Variants in COL27A1 observed in about 807,000 individuals in gnomAD.
COL27A1 encodes collagen type XXVII alpha 1 chain.
In COL27A1, 106 loss-of-function variants were observed where a neutral mutation model predicts 251.3. The ratio of observed to expected loss-of-function variants is 0.42; its 90% CI spans 0.36 to 0.50. The LOEUF (loss-of-function observed/expected upper bound fraction) is 0.50. COL27A1 is among the 20% of genes least tolerant of loss of function. The pLI, the probability that COL27A1 is intolerant of heterozygous loss-of-function variation, is 0.00. For missense variants in COL27A1, 2,325 were observed against 2,522.8 expected (o/e 0.92, Z 1.68); for synonymous variants, 1,000 against 986.3 (o/e 1.01, Z -0.26).
Position 114,167,725 on chromosome 9 carries a change from C to T in COL27A1, c.170C>T (p.Thr57Met), listed in dbSNP as rs150242638. Residue 57 changes from threonine to methionine, a missense_variant, in exon 3 of 61, where the codon ACG becomes ATG. Coordinates refer to ENST00000356083, the MANE Select transcript of COL27A1 (RefSeq NM_032888.4). ...CTCCAGCGGCTGGGCCTCAGCTGGA[C>T]GAAGGCCGGGAGCCCTGCACCCCCG... is the stretch of plus-strand genomic sequence containing the variant. ...DILQRLGLSW[T>M]KAGSPAPPGV... 6.9e-5 allele frequency: 111 copies of T among 1,613,370 alleles called. No homozygotes were observed. The African/African-American group carries it at 1.1e-3, about 16-fold the overall frequency.
rs375611026 is a variant in COL27A1 at position 114,231,918 on chromosome 9, C to A, written c.2565+52C>A. ...TGTGGTTTCTCTGCATGCCACCCCCCTCTCCGCCCGGAGGCTGCTGCTGAT... is the reference window on the plus strand; with the variant it reads ...TGTGGTTTCTCTGCATGCCACCCCCATCTCCGCCCGGAGGCTGCTGCTGAT... On this transcript the variant is annotated intron_variant, in intron 16 of 60. Transcript: ENST00000356083. The A allele has an allele frequency of 3.4e-5, 54 of 1,573,254 alleles. No individual in the cohort carries two copies. In the East Asian group the frequency reaches 7.2e-4, roughly 21 times the overall value.
At chr9:114,303,263 C>T (rs1828795962) in intron 56 of COL27A1, among the ~76,000 whole-genome samples, 1 of 137,784 alleles carries the variant, frequency 7.3e-6, no homozygotes, top group Admixed American at 8.0e-5. Flanking sequence ...TTTTGAGACA[C>T]AGTCTTGCTC....
In COL27A1 at chr9:114,253,391, AG is replaced by A. The variant is rs200979207; in HGVS notation, c.3141+460del. ...GAAAGACGAAAGAAAGAAAGAAAAA[AG>A]AAAGAGGAAAAAAGACAGAAAGAAG... On this transcript the variant is annotated intron_variant, in intron 27 of 60. Coordinates refer to ENST00000356083, the MANE Select transcript of COL27A1 (RefSeq NM_032888.4). Among the ~76,000 whole-genome samples the A allele has an allele frequency of 6.8e-3, 899 of 132,604 alleles. 12 individuals carry two copies. Among genetic ancestry groups the A allele is most frequent in the African/African-American group, 0.025 (830 of 33,654 alleles). The allele number at this position is 132,604 out of a possible 152,430, so 87.0% of individuals were successfully genotyped here.
intron 24 of COL27A1, among the ~76,000 whole-genome samples, chr9:114,247,475 C>T (rs1403803312): frequency 6.6e-6 from 1 of 152,152 alleles, no homozygotes; most frequent in Non-Finnish European, 1.5e-5. Flanking sequence ...TGACAGAGAC[C>T]CCGGGTTTAG....
At chr9:114,253,376 A>G (rs1833692631) in intron 27 of COL27A1, among the ~76,000 whole-genome samples, 1 of 115,848 alleles carries the variant, frequency 8.6e-6, no homozygotes, top group Non-Finnish European at 1.7e-5. Flanking sequence ...GAAAGACGAA[A>G]GAAAGAAAGA....
chr9:114,201,012 C>T (rs1031114254), intron 7 of COL27A1, among the ~76,000 whole-genome samples: 2 of 152,220 alleles, frequency 1.3e-5, no homozygotes, highest in Non-Finnish European at 1.5e-5. Context: ...CTGCCCAAAG[C>T]CCAGAAAGCA....
intron 12 of COL27A1, among the ~76,000 whole-genome samples, chr9:114,212,790 G>T (rs1044965603): frequency 6.6e-6 from 1 of 152,192 alleles, no homozygotes; most frequent in Non-Finnish European, 1.5e-5. Context: ...AAATAGAGCC[G>T]CCCGGAATAA....
intron 24 of COL27A1, among the ~76,000 whole-genome samples, chr9:114,246,333 A>G (rs1323881611): frequency 6.6e-6 from 1 of 152,078 alleles, no homozygotes; most frequent in Non-Finnish European, 1.5e-5. Flanking sequence ...CCTAAATTAT[A>G]TAGAAGATGA....
chr9:114,221,604 T>C (rs1831117080), intron 13 of COL27A1, among the ~76,000 whole-genome samples: 1 of 152,222 alleles, frequency 6.6e-6, no homozygotes, highest in Non-Finnish European at 1.5e-5. Flanking sequence ...GGAAGATCCA[T>C]GTTTAAGACG....
chr9:114,260,166 C>T (rs1008309334), intron 28 of COL27A1, among the ~76,000 whole-genome samples: 2 of 152,254 alleles, frequency 1.3e-5, no homozygotes, highest in Admixed American at 1.3e-4. Context: ...CTTCAACTCA[C>T]TGGGCTCCCT....
At position 114,240,288 on chromosome 9, in the gene COL27A1, A is replaced by C. The variant is rs914911413; in HGVS notation, c.2781+15A>C. Reference sequence around the variant, plus strand: ...AAGGCATGAAGGTGAGTACCTGCCCAGGGCAGCTCCAGTTGGAGGAGCAGA... The same window carrying C: ...AAGGCATGAAGGTGAGTACCTGCCCCGGGCAGCTCCAGTTGGAGGAGCAGA... On this transcript the variant is annotated intron_variant, in intron 20 of 60. Transcript: ENST00000356083. 3.8e-6 allele frequency: 6 copies of C among 1,590,132 alleles called. No individual in the cohort carries two copies. In the Admixed American group the frequency reaches 8.6e-5, roughly 23 times the overall value.
chr9:114,178,345 G>A lies in COL27A1; in HGVS notation c.1962+1G>A, dbSNP rs1387536593. 13 of 1,613,810 alleles carry A rather than the reference G, an allele frequency of 8.1e-6. No homozygotes were observed. Among genetic ancestry groups the A allele is most frequent in the Non-Finnish European group, 1.1e-5 (13 of 1,179,890 alleles). Reference sequence around the variant, plus strand: ...AATCCCTGGTGCACGTGGGCCTCGGGTGAGTTATCTCACACTGTCCTTTGG... The same window carrying A: ...AATCCCTGGTGCACGTGGGCCTCGGATGAGTTATCTCACACTGTCCTTTGG... On this transcript the variant is annotated splice_donor_variant, in intron 4 of 60. Coordinates refer to ENST00000356083, the MANE Select transcript of COL27A1 (RefSeq NM_032888.4). LOFTEE classifies it high-confidence loss of function.
intron 24 of COL27A1, 79 bp from the exon 25 acceptor site, chr9:114,250,536 G>A (rs1364814971): frequency 5.2e-6 from 7 of 1,356,542 alleles, no homozygotes; most frequent in Non-Finnish European, 7.4e-6. Flanking sequence ...CCTGGGAGAT[G>A]AGCTTCAGGG....
At chr9:114,204,960 G>A (rs1829843844) in intron 7 of COL27A1, 142 bp from the exon 8 acceptor site, 2 of 668,694 alleles carry the variant, frequency 3.0e-6, no homozygotes, top group Non-Finnish European at 5.2e-6. Context: ...CATCCATCTG[G>A]GGAACCTTTA....
At chr9:114,307,488 G>A in intron 58 of COL27A1, 181 bp from the exon 59 acceptor site, 1 of 590,926 alleles carries the variant, frequency 1.7e-6, no homozygotes, top group Non-Finnish European at 3.0e-6. Context: ...TGCCAGTTGT[G>A]AGCTCTGCCC....
intron 1 of COL27A1, among the ~76,000 whole-genome samples, chr9:114,161,793 G>A (rs1291730140): frequency 6.6e-6 from 1 of 152,186 alleles, no homozygotes; most frequent in East Asian, 1.9e-4. Flanking sequence ...AGGTGAAATT[G>A]TATCATTGCC....
At chr9:114,278,711 A>C (rs1441037994) in intron 37 of COL27A1, among the ~76,000 whole-genome samples, 1 of 151,658 alleles carries the variant, frequency 6.6e-6, no homozygotes, top group Non-Finnish European at 1.5e-5. Flanking sequence ...ATATTTTGCC[A>C]TCACTCCCAT....
At chr9:114,217,724 G>A (rs1830795726) in intron 12 of COL27A1, 1 of 467,646 alleles carries the variant, frequency 2.1e-6, no homozygotes, top group Non-Finnish European at 4.4e-6. Flanking sequence ...TGCCCAGCCA[G>A]ACAACATTGC....
chr9:114,252,822 G>A (rs1833633399), intron 26 of COL27A1, 57 bp from the exon 27 acceptor site: 5 of 1,561,838 alleles, frequency 3.2e-6, no homozygotes, highest in Non-Finnish European at 4.4e-6. Context: ...ACCGAGGTGG[G>A]ACTGAAGGAG....
Sources: gnomAD v4.1 joint callset for allele counts (sites outside exome capture counted in the v4.1 genomes callset) on GRCh38, gnomAD v4.1.1 for gene constraint, MANE v1.5 for transcripts, NCBI Gene and HGNC (gene_info 2026-07-23, HGNC 2026-07-21) for gene names.